Variants in GNAQ observed in about 807,000 individuals in gnomAD.
GNAQ encodes the protein G protein subunit alpha q.
A neutral mutation model predicts 43.9 loss-of-function variants in GNAQ; 8 were observed. That is an observed-to-expected ratio of 0.18 (90% CI 0.11 to 0.33). GNAQ has a LOEUF of 0.33. Among genes scored for constraint, GNAQ ranks in the 10% least tolerant of loss-of-function variants. GNAQ has a pLI of 1.00. For missense variants in GNAQ, 158 were observed against 450.8 expected (o/e 0.35, Z 5.88); for synonymous variants, 155 against 170.7 (o/e 0.91, Z 0.71).
intron 1 of GNAQ, among the ~76,000 whole-genome samples, chr9:78,004,903 A>G (rs1376732511): frequency 6.6e-6 from 1 of 152,058 alleles, no homozygotes; most frequent in South Asian, 2.1e-4. Context: ...TCATTTGGCT[A>G]AACTGTCAAA....
At chr9:77,743,182 C>T (rs779933606) in intron 5 of GNAQ, among the ~76,000 whole-genome samples, 16 of 152,106 alleles carry the variant, frequency 1.1e-4, no homozygotes, top group African/African-American at 3.1e-4. Context: ...AGCTTGAACC[C>T]GGGAGGCGGA....
chr9:78,016,265 T>C (rs995963241), intron 1 of GNAQ, among the ~76,000 whole-genome samples: 1 of 152,226 alleles, frequency 6.6e-6, no homozygotes, highest in African/African-American at 2.4e-5. Flanking sequence ...ACTGTTGCGC[T>C]TCAGAACAAT....
chr9:77,866,811 T>A (rs1827957585), intron 2 of GNAQ, among the ~76,000 whole-genome samples: 2 of 152,238 alleles, frequency 1.3e-5, no homozygotes, highest in African/African-American at 4.8e-5. Flanking sequence ...ACAAACTTTT[T>A]AAATGAAGGT....
At chr9:77,909,315 G>T (rs1180965164) in intron 2 of GNAQ, among the ~76,000 whole-genome samples, 1 of 152,156 alleles carries the variant, frequency 6.6e-6, no homozygotes, top group Non-Finnish European at 1.5e-5. Flanking sequence ...TCATCCTGTT[G>T]CCATCCACCA....
At chr9:78,016,567 G>T (rs1038346665) in intron 1 of GNAQ, among the ~76,000 whole-genome samples, 1 of 151,988 alleles carries the variant, frequency 6.6e-6, no homozygotes, top group Non-Finnish European at 1.5e-5. Flanking sequence ...TGTAGTCCCA[G>T]CTACTCGGGA....
chr9:77,973,537 C>T (rs1464128012), intron 1 of GNAQ, among the ~76,000 whole-genome samples: 1 of 152,158 alleles, frequency 6.6e-6, no homozygotes, highest in Non-Finnish European at 1.5e-5. Flanking sequence ...GAAGCAATGG[C>T]CGGGTGCAGT....
rs564709823 is a variant in GNAQ at position 77,890,207 on chromosome 9, G to T, written c.321+31954C>A. Among the ~76,000 whole-genome samples the T allele has an allele frequency of 1.2e-3, 184 of 152,028 alleles. 2 individuals are homozygous for T. The highest frequency in any genetic ancestry group is 4.2e-3 in the African/African-American group (174 of 41,468). ...CACATATCTTTGTATTGGTTATTTG[G>T]GTTGGCATACCATACTCCTAGAATC... On this transcript the variant is annotated intron_variant, in intron 2 of 6. Transcript: ENST00000286548.
rs1429765065 is a variant in GNAQ at position 77,717,833 on chromosome 9, G to T, written c.*3490C>A. ...CAGGTTCTTAAAATTTTTTTTTCCAGTCTATTCATGACATTCAACAGAGCT... is the reference window on the plus strand; with the variant it reads ...CAGGTTCTTAAAATTTTTTTTTCCATTCTATTCATGACATTCAACAGAGCT... On this transcript the variant is annotated 3_prime_UTR_variant, in exon 7 of 7. Coordinates refer to ENST00000286548, the MANE Select transcript of GNAQ (RefSeq NM_002072.5). 1 of 231,332 alleles carries T rather than the reference G, an allele frequency of 4.3e-6. No homozygotes were observed. The highest frequency in any genetic ancestry group is 2.2e-5 in the African/African-American group (1 of 44,994). The allele number at this position is 231,332 out of a possible 1,614,324, so 14.3% of individuals were successfully genotyped here.
intron 1 of GNAQ, among the ~76,000 whole-genome samples, chr9:77,980,424 C>A (rs1359786962): frequency 6.6e-6 from 1 of 151,878 alleles, no homozygotes; most frequent in African/African-American, 2.4e-5. Flanking sequence ...TGTCATAAAA[C>A]TAAAGAAAAT....
At chr9:77,912,889 T>A (rs1350859137) in intron 2 of GNAQ, among the ~76,000 whole-genome samples, 1 of 152,188 alleles carries the variant, frequency 6.6e-6, no homozygotes, top group Non-Finnish European at 1.5e-5. Flanking sequence ...GGTACACCCC[T>A]GTAATCCCAG....
intron 2 of GNAQ, among the ~76,000 whole-genome samples, chr9:77,819,141 TGCTA>T (rs1383150144): frequency 6.6e-6 from 1 of 151,884 alleles, no homozygotes; most frequent in East Asian, 1.9e-4. Context: ...TAATGATGAA[TGCTA>T]GCTTTCAGAA....
rs12553752 is a variant in GNAQ at position 77,872,841 on chromosome 9, A to T, written c.321+49320T>A. On this transcript the variant is annotated intron_variant, in intron 2 of 6. Coordinates refer to ENST00000286548, the MANE Select transcript of GNAQ (RefSeq NM_002072.5). ...CTTAAGTACACATAGAAACCAACAC[A>T]ATACACCTGAAGGTTTTACAAACTG... 3.0e-3 allele frequency among the ~76,000 whole-genome samples: 452 copies of T among 152,300 alleles called. 8 individuals carry two copies. Among genetic ancestry groups the T allele is most frequent in the Admixed American group, 0.025 (377 of 15,302 alleles).
chr9:77,889,818 T>C (rs1338523246), intron 2 of GNAQ, among the ~76,000 whole-genome samples: 1 of 152,194 alleles, frequency 6.6e-6, no homozygotes, highest in Non-Finnish European at 1.5e-5. Context: ...GTTCTTTTGG[T>C]TTTTTCCCAA....
intron 2 of GNAQ, among the ~76,000 whole-genome samples, chr9:77,887,342 T>A (rs1435123870): frequency 6.6e-6 from 1 of 152,158 alleles, no homozygotes. Context: ...GTAAAGCAAA[T>A]TTACCTATTC....
chr9:77,821,740 T>G (rs1387715110), intron 2 of GNAQ, among the ~76,000 whole-genome samples: 9 of 151,866 alleles, frequency 5.9e-5, no homozygotes, highest in Admixed American at 3.9e-4. Flanking sequence ...TGTGTGTGTG[T>G]GTGTGTGTGT....
At chr9:77,953,580 C>T (rs1001303466) in intron 1 of GNAQ, among the ~76,000 whole-genome samples, 3 of 152,126 alleles carry the variant, frequency 2.0e-5, no homozygotes, top group Non-Finnish European at 2.9e-5. Context: ...TTCAAGGGCC[C>T]GGCGAAGGTC....
rs1484259839 is a variant in GNAQ at position 77,717,379 on chromosome 9, T to G, written c.*3944A>C. On this transcript the variant is annotated 3_prime_UTR_variant, in exon 7 of 7. Transcript: ENST00000286548. Reference sequence around the variant, plus strand: ...TTTTATATGGGTTAACATTCTGCTATATTTCATTTCATTCGTTTTGAGAAA... The same window carrying G: ...TTTTATATGGGTTAACATTCTGCTAGATTTCATTTCATTCGTTTTGAGAAA... 4.3e-6 allele frequency: 1 copy of G among 232,376 alleles called. No individual in the cohort carries two copies. The highest frequency in any genetic ancestry group is 8.5e-6 in the Non-Finnish European group (1 of 117,630). 14.4% of individuals were successfully genotyped at this position (232,376 alleles called of 1,614,324 possible).
chr9:77,718,383 T>C lies in GNAQ; in HGVS notation c.*2940A>G. 1 of 232,376 alleles carries C rather than the reference T, an allele frequency of 4.3e-6. No individual in the cohort carries two copies. Among genetic ancestry groups the C allele is most frequent in the East Asian group, 6.1e-5 (1 of 16,506 alleles). The allele number at this position is 232,376 out of a possible 1,614,324, so 14.4% of individuals were successfully genotyped here. On this transcript the variant is annotated 3_prime_UTR_variant, in exon 7 of 7. Coordinates refer to ENST00000286548, the MANE Select transcript of GNAQ (RefSeq NM_002072.5). ...AAAAAAGAAAATCCTTTAGCTTCGA[T>C]TGACTGGTGTGGCTAAAATTAGGTT...
intron 6 of GNAQ, among the ~76,000 whole-genome samples, chr9:77,725,078 T>C (rs1286457173): frequency 6.6e-6 from 1 of 152,042 alleles, no homozygotes; most frequent in East Asian, 1.9e-4. Flanking sequence ...GAAGGGACTA[T>C]ACCTTTTTTT....
Sources: gnomAD v4.1 joint callset for allele counts (sites outside exome capture counted in the v4.1 genomes callset) on GRCh38, gnomAD v4.1.1 for gene constraint, MANE v1.5 for transcripts, NCBI Gene and HGNC (gene_info 2026-07-23, HGNC 2026-07-21) for gene names.